The following RGS5 variants were observed in gnomAD, a reference collection of about 807,000 sequenced individuals.
The protein encoded by RGS5 is regulator of G-protein signalling 5.
RGS5 carries 20 observed loss-of-function variants against 18.9 expected under a neutral mutation model. The observed-to-expected ratio is 1.06, with a 90% CI of 0.74 to 1.54. The LOEUF is 1.54. RGS5 is among the 40% of genes most tolerant of loss of function. The probability of loss-of-function intolerance (pLI) is 0.00; values close to 1 mark genes in which losing one functional copy is unlikely to be tolerated. For missense variants in RGS5, 201 were observed against 211.8 expected, an observed-to-expected ratio of 0.95 and a Z score of 0.32; for synonymous variants, 57 against 76.2, an observed-to-expected ratio of 0.75 and a Z score of 1.31.
chr1:163,317,586 A>G (rs1326083650), intron 1 of RGS5, among the ~76,000 whole-genome samples: 1 of 152,174 alleles, frequency 6.6e-6, no homozygotes, highest in African/African-American at 2.4e-5. Context: ...GTAGCGATTC[A>G]TCATCTAAAT....
chr1:163,283,895 T>C (rs1649065760), intron 2 of RGS5, among the ~76,000 whole-genome samples: 2 of 152,166 alleles, frequency 1.3e-5, no homozygotes, highest in South Asian at 4.1e-4. Flanking sequence ...CCAGGCAAGC[T>C]TTCAGATGAG....
At chr1:163,281,958 A>G (rs954750148) in intron 2 of RGS5, among the ~76,000 whole-genome samples, 1 of 152,160 alleles carries the variant, frequency 6.6e-6, no homozygotes, top group Non-Finnish European at 1.5e-5. Context: ...GAAACTATAA[A>G]ACTACTAGAA....
upstream of RGS5, among the ~76,000 whole-genome samples, chr1:163,219,346 T>C (rs906505362): frequency 3.3e-5 from 5 of 152,154 alleles, no homozygotes; most frequent in African/African-American, 1.2e-4. Context: ...TGGTATCATA[T>C]AGGATGTACT....
At chr1:163,216,789 C>T (rs1020623697) in intron 1 of RGS5, among the ~76,000 whole-genome samples, 4 of 152,108 alleles carry the variant, frequency 2.6e-5, no homozygotes, top group Non-Finnish European at 5.9e-5. Flanking sequence ...TTTGTGATGG[C>T]CCTGAGAAAG....
At chr1:163,313,995 ATATATGTGTGTG>A (rs773810835) in intron 1 of RGS5, among the ~76,000 whole-genome samples, 3 of 5,594 alleles carry the variant, frequency 5.4e-4, no homozygotes, top group South Asian at 0.019. Flanking sequence ...TAAATAAGAT[ATATATGTGTGTG>A]TGTGTGTGTG....
intron 3 of RGS5, among the ~76,000 whole-genome samples, chr1:163,158,731 G>C (rs192613350): frequency 1.3e-5 from 2 of 152,032 alleles, no homozygotes; most frequent in South Asian, 4.1e-4. Flanking sequence ...CCACAGGACC[G>C]GGGTGAAATT....
At chr1:163,160,490 A>G (rs1029761508) in intron 3 of RGS5, among the ~76,000 whole-genome samples, 3 of 152,154 alleles carry the variant, frequency 2.0e-5, no homozygotes, top group African/African-American at 7.2e-5. Flanking sequence ...AACATCTTAC[A>G]TGTGTCAGGG....
chr1:163,145,733 G>A lies in RGS5; in HGVS notation c.*1609C>T, dbSNP rs1171211085. 6.6e-6 allele frequency: 1 copy of A among 152,120 alleles called. No individual in the cohort carries two copies. The highest frequency in any genetic ancestry group is 1.5e-5 in the Non-Finnish European group (1 of 68,024). The allele number at this position is 152,120 out of a possible 1,614,324, so 9.4% of individuals were successfully genotyped here. On this transcript the variant is annotated 3_prime_UTR_variant, in exon 5 of 5. Coordinates refer to ENST00000313961, the MANE Select transcript of RGS5 (RefSeq NM_003617.4). The stretch of plus-strand genomic sequence containing the variant: ...CAAAAATAGGGAAAATCCAACAAGC[G>A]CAGTCAGTGTTTACCTGAAGAATAC...
At chr1:163,256,478 C>G (rs2101702309) in intron 2 of RGS5, among the ~76,000 whole-genome samples, 1 of 152,250 alleles carries the variant, frequency 6.6e-6, no homozygotes, top group African/African-American at 2.4e-5. Context: ...GAGGAAGAAG[C>G]TGATGAATAC....
intron 2 of RGS5, among the ~76,000 whole-genome samples, chr1:163,271,416 G>T (rs767851641): frequency 4.6e-5 from 7 of 152,060 alleles, no homozygotes; most frequent in Non-Finnish European, 1.0e-4. Flanking sequence ...ACTCGGGCTC[G>T]CTGTCTCTGC....
chr1:163,182,849 T>C (rs1195588728), intron 1 of RGS5, among the ~76,000 whole-genome samples: 2 of 152,186 alleles, frequency 1.3e-5, no homozygotes, highest in African/African-American at 2.4e-5. Context: ...TGAATTATAC[T>C]GCGGGACTTT....
intron 2 of RGS5, chr1:163,238,081 G>A (rs6695892): frequency 0.21 from 32,747 of 155,998 alleles, 4,348 homozygotes; most frequent in Non-Finnish European, 0.26. Context: ...GATTTGTTGG[G>A]CATGCCAAAC....
intron 1 of RGS5, among the ~76,000 whole-genome samples, chr1:163,174,214 T>G (rs1300111291): frequency 6.6e-6 from 1 of 152,208 alleles, no homozygotes; most frequent in Non-Finnish European, 1.5e-5. Flanking sequence ...TTTCCATTCA[T>G]GGCATTTTTC....
At chr1:163,150,213 C>T (rs982960513) in intron 4 of RGS5, among the ~76,000 whole-genome samples, 13 of 99,856 alleles carry the variant, frequency 1.3e-4, no homozygotes, top group Non-Finnish European at 3.1e-4. Context: ...ATTTTAATTA[C>T]AGTCTTTCAA....
intron 2 of RGS5, among the ~76,000 whole-genome samples, chr1:163,226,773 T>C (rs1195812864): frequency 2.0e-5 from 3 of 152,226 alleles, no homozygotes; most frequent in Non-Finnish European, 4.4e-5. Flanking sequence ...ATGATTGCTA[T>C]TATATCCAGT....
At chr1:163,226,967 T>A (rs1647350959) in intron 2 of RGS5, among the ~76,000 whole-genome samples, 1 of 152,214 alleles carries the variant, frequency 6.6e-6, no homozygotes, top group Non-Finnish European at 1.5e-5. Context: ...GGAGTGATAG[T>A]CCTAAGTGAC....
At chr1:163,193,488 C>G (rs906062250) in intron 1 of RGS5, among the ~76,000 whole-genome samples, 3 of 152,122 alleles carry the variant, frequency 2.0e-5, no homozygotes, top group Non-Finnish European at 2.9e-5. Context: ...TTTTCAGGAG[C>G]TCTATGGTCA....
intron 1 of RGS5, among the ~76,000 whole-genome samples, chr1:163,183,067 T>C (rs1226308043): frequency 1.3e-5 from 2 of 152,228 alleles, no homozygotes; most frequent in African/African-American, 4.8e-5. Flanking sequence ...TGTCCTCTCA[T>C]AATACATTTA....
chr1:163,271,627 T>G (rs1648722191), intron 2 of RGS5, among the ~76,000 whole-genome samples: 1 of 152,200 alleles, frequency 6.6e-6, no homozygotes, highest in South Asian at 2.1e-4. Context: ...TGTGTCACTC[T>G]TTTACTTTTC....
Sources: allele counts gnomAD v4.1 joint callset (sites outside exome capture counted in the v4.1 genomes callset), GRCh38; gene constraint gnomAD v4.1.1; transcripts MANE v1.5; gene names NCBI Gene and HGNC (gene_info 2026-07-23, HGNC 2026-07-21).